The following VAX1 variants were observed in gnomAD, a reference collection of about 807,000 sequenced individuals.
VAX1 encodes the protein ventral anterior homeobox 1.
A neutral mutation model predicts 17.6 loss-of-function variants in VAX1; 6 were observed. That is an observed-to-expected ratio of 0.34 (90% CI 0.19 to 0.67). The LOEUF is 0.67. VAX1 is among the 30% of genes least tolerant of loss of function. VAX1 has a pLI of 0.69. For missense variants in VAX1, 408 were observed against 463.7 expected, an observed-to-expected ratio of 0.88 and a Z score of 1.10; for synonymous variants, 256 against 227.4, an observed-to-expected ratio of 1.13 and a Z score of -1.13.
chr10:117,133,187 A>G (rs1364390039), downstream of VAX1: 1 of 754,632 alleles, frequency 1.3e-6, no homozygotes, highest in Non-Finnish European at 1.6e-6. Flanking sequence ...AACACCCAGA[A>G]CCTTAATTTT....
downstream of VAX1, chr10:117,132,548 T>C: frequency 6.5e-7 from 1 of 1,544,360 alleles, no homozygotes; most frequent in Non-Finnish European, 8.8e-7. This position sits in a 1 kb window ranked among gnomAD's most constrained non-coding sequence, Gnocchi z 4.9. Flanking sequence ...AAAATTACTA[T>C]TTTAAAAAAG....
In VAX1 at chr10:117,137,596, AGCGGGGCCCCT is replaced by A. The variant is rs1380265730; in HGVS notation, c.241+209_241+219del. ...CCTCATCTCCCCCCGCAGCCCGGTC[AGCGGGGCCCCT>A]CCGGGCGTGGAGGGCCGAGGCCCCT... On this transcript the variant is annotated intron_variant, in intron 1 of 2. Coordinates refer to ENST00000369206, the MANE Select transcript of VAX1 (RefSeq NM_001112704.2). The surrounding 1 kb of genome is among the most constrained non-coding windows in gnomAD (Gnocchi z 7.4). Among the ~76,000 whole-genome samples, 3 of 152,142 alleles carry A rather than the reference AGCGGGGCCCCT, an allele frequency of 2.0e-5. No homozygotes were observed. The highest frequency in any genetic ancestry group is 1.5e-5 in the Non-Finnish European group (1 of 68,004).
In VAX1 at chr10:117,133,632, G is replaced by A. The variant is rs1157062669; in HGVS notation, c.*376C>T. 2.0e-6 allele frequency: 2 copies of A among 997,056 alleles called. No individual in the cohort carries two copies. The highest frequency in any genetic ancestry group is 2.4e-6 in the Non-Finnish European group (2 of 838,128). 61.8% of individuals were successfully genotyped at this position (997,056 alleles called of 1,614,324 possible). ...TTCCTAGGAATAGTCGGCAGCGGCAGCAGCCGCAGCAGCCGCGGATCTAGA... is the reference window on the plus strand; with the variant it reads ...TTCCTAGGAATAGTCGGCAGCGGCAACAGCCGCAGCAGCCGCGGATCTAGA... On this transcript the variant is annotated 3_prime_UTR_variant, in exon 3 of 3. Transcript: ENST00000369206.
downstream of VAX1, chr10:117,131,377 T>A (rs1172603524): frequency 6.6e-6 from 1 of 152,260 alleles, no homozygotes; most frequent in African/African-American, 2.4e-5. Flanking sequence ...AGCTGAGGGA[T>A]CTGCAGCAAC....
downstream of VAX1, chr10:117,133,257 T>G (rs1023742354): frequency 1.0e-6 from 1 of 984,036 alleles, no homozygotes; most frequent in African/African-American, 1.7e-5. Flanking sequence ...AATTTCATCA[T>G]TGGAAGTATT....
Position 117,133,507 on chromosome 10 carries a change from G to C in VAX1, c.*501C>G. On this transcript the variant is annotated 3_prime_UTR_variant, in exon 3 of 3. Transcript: ENST00000369206. ...AAGCGGGGCCCAGGGGCTCCCACAA[G>C]CCCTGGTTTCCCTGGCAAGAGGAAG... 1.0e-6 allele frequency: 1 copy of C among 985,630 alleles called. No homozygotes were observed. The highest frequency in any genetic ancestry group is 4.7e-5 in the South Asian group (1 of 21,288). The allele number at this position is 985,630 out of a possible 1,614,324, so 61.1% of individuals were successfully genotyped here.
downstream of VAX1, chr10:117,132,521 C>T (rs748782831): frequency 6.4e-7 from 1 of 1,572,326 alleles, no homozygotes. This position sits in a 1 kb window ranked among gnomAD's most constrained non-coding sequence, Gnocchi z 4.9. Flanking sequence ...GAGTTTCCGA[C>T]GTAAATAATT....
Position 117,133,504 on chromosome 10 carries a change from C to CA in VAX1, c.*503dup. The CA allele has an allele frequency of 3.0e-6, 3 of 985,624 alleles. No homozygotes were observed. The highest frequency in any genetic ancestry group is 3.6e-6 in the Non-Finnish European group (3 of 830,086). 61.1% of individuals were successfully genotyped at this position (985,624 alleles called of 1,614,324 possible). On this transcript the variant is annotated 3_prime_UTR_variant, in exon 3 of 3. Coordinates refer to ENST00000369206, the MANE Select transcript of VAX1 (RefSeq NM_001112704.2). The stretch of plus-strand genomic sequence containing the variant: ...GCAAAGCGGGGCCCAGGGGCTCCCA[C>CA]AAGCCCTGGTTTCCCTGGCAAGAGG...
At position 117,137,217 on chromosome 10, in the gene VAX1, C is replaced by T. The variant is rs1285095418; in HGVS notation, c.242-558G>A. Among the ~76,000 whole-genome samples, 2 of 152,102 alleles carry T rather than the reference C, an allele frequency of 1.3e-5. No homozygotes were observed. The highest frequency in any genetic ancestry group is 4.8e-5 in the African/African-American group (2 of 41,446). On this transcript the variant is annotated intron_variant, in intron 1 of 2. Coordinates refer to ENST00000369206, the MANE Select transcript of VAX1 (RefSeq NM_001112704.2). This position sits in a 1 kb window ranked among gnomAD's most constrained non-coding sequence, Gnocchi z 7.4. ...GGCCTCGCAGCCTCCGCCGCCGGGG[C>T]TAAGTGCACGCCGCGCCATCCGAGA...
chr10:117,134,664 G>GC lies in VAX1; in HGVS notation c.430-82_430-81insG. On this transcript the variant is annotated intron_variant, in intron 2 of 2. Coordinates refer to ENST00000369206, the MANE Select transcript of VAX1 (RefSeq NM_001112704.2). The surrounding 1 kb of genome is among the most constrained non-coding windows in gnomAD (Gnocchi z 6.2). ...AAGGAAGCGAGCTCCCGGGGCGCGC[G>GC]GCTCCGGGGCTCTCCCCAAGTCCCA... 7.5e-7 allele frequency: 1 copy of GC among 1,337,988 alleles called. No individual in the cohort carries two copies. 82.9% of individuals were successfully genotyped at this position (1,337,988 alleles called of 1,614,324 possible). A position where few individuals can be genotyped will look rare whatever the true frequency, so the allele number is the denominator to read the frequency against.
Position 117,133,694 on chromosome 10 carries a change from T to C in VAX1, c.*314A>G. ...GTGCTTTGGAGTTAGAACCAGTCTT[T>C]TCCCTCCTGGGCTGGGCACGGGGTC... On this transcript the variant is annotated 3_prime_UTR_variant, in exon 3 of 3. Coordinates refer to ENST00000369206, the MANE Select transcript of VAX1 (RefSeq NM_001112704.2). 1 of 1,089,510 alleles carries C rather than the reference T, an allele frequency of 9.2e-7. No homozygotes were observed. Among genetic ancestry groups the C allele is most frequent in the Non-Finnish European group, 1.1e-6 (1 of 898,490 alleles). The allele number at this position is 1,089,510 out of a possible 1,614,324, so 67.5% of individuals were successfully genotyped here.
chr10:117,135,298 ACTCTTAGTTTAT>A (rs987730667), intron 2 of VAX1, among the ~76,000 whole-genome samples: 1 of 152,190 alleles, frequency 6.6e-6, no homozygotes, highest in Non-Finnish European at 1.5e-5. Context: ...GTCTGGTGAT[ACTCTTAGTTTAT>A]CTCTCCACTG....
chr10:117,136,489 T>G lies in VAX1; in HGVS notation c.412A>C (p.Asn138His). The G allele has an allele frequency of 6.2e-7, 1 of 1,613,564 alleles. No homozygotes were observed. Among genetic ancestry groups the G allele is most frequent in the South Asian group, 1.1e-5 (1 of 91,054 alleles). ...RERTELARQL[N>H]LSETQVKVWF... The stretch of plus-strand genomic sequence containing the variant: ...CCGGGTACCTGGGTCTCGGAGAGGT[T>G]AAGCTGCCGGGCGAGCTCGGTCCTC... Residue 138 changes from asparagine (N) to histidine (H), a missense_variant, in exon 2 of 3, where the codon AAC (asparagine) becomes CAC (histidine). Around this residue, in one of 4 missense-constraint regions of VAX1, gnomAD observed 75 missense variants for 116.1 expected, o/e 0.65. Coordinates refer to ENST00000369206, the MANE Select transcript of VAX1 (RefSeq NM_001112704.2). The surrounding 1 kb of genome is among the most constrained non-coding windows in gnomAD (Gnocchi z 5.0).
Position 117,133,880 on chromosome 10 carries a change from G to A in VAX1, c.*128C>T, listed in dbSNP as rs1013514102. ...ATTGGTAGCAGAGTCTAGTGGGAAA[G>A]GAGAGCTGTCAGAGGCCTGGTGGGA... On this transcript the variant is annotated 3_prime_UTR_variant, in exon 3 of 3. Coordinates refer to ENST00000369206, the MANE Select transcript of VAX1 (RefSeq NM_001112704.2). 1 of 1,388,254 alleles carries A rather than the reference G, an allele frequency of 7.2e-7. No homozygotes were observed. The highest frequency in any genetic ancestry group is 3.9e-5 in the Admixed American group (1 of 25,376). 86.0% of individuals were successfully genotyped at this position (1,388,254 alleles called of 1,614,324 possible).
rs369158710 is a variant in VAX1 at position 117,138,096 on chromosome 10, C to A, written c.-40G>T. On this transcript the variant is annotated 5_prime_UTR_variant, in exon 1 of 3. Transcript: ENST00000369206. ...ACAAAAACAGAAAGGAAAAAAAAAG[C>A]AAAAAAAAAAAAAAGGGGGGGGGGC... The A allele has an allele frequency of 2.4e-4, 86 of 352,554 alleles. No individual in the cohort carries two copies. Among genetic ancestry groups the A allele is most frequent in the South Asian group, 7.5e-4 (21 of 27,928 alleles). 21.8% of individuals were successfully genotyped at this position (352,554 alleles called of 1,614,324 possible).
At chr10:117,133,236 T>C (rs905718226), downstream of VAX1, 3 of 978,464 alleles carry the variant, frequency 3.1e-6, no homozygotes, top group Non-Finnish European at 3.6e-6. Flanking sequence ...TGAATTTTCT[T>C]ACACCTTCCA....
In VAX1 at chr10:117,136,460, G is replaced by C. The variant is rs374897723; in HGVS notation, c.429+12C>G. 3 of 1,612,122 alleles carry C rather than the reference G, an allele frequency of 1.9e-6. No individual in the cohort carries two copies. In the African/African-American group the frequency reaches 4.0e-5, roughly 22 times the overall value. On this transcript the variant is annotated intron_variant, in intron 2 of 2. Transcript: ENST00000369206. This position sits in a 1 kb window ranked among gnomAD's most constrained non-coding sequence, Gnocchi z 5.0. ...CTGGTGCAGAACTGTGTGCGGCCTG[G>C]TCGCCGGGTACCTGGGTCTCGGAGA...
downstream of VAX1, chr10:117,130,111 G>A (rs1452280327): frequency 1.3e-5 from 2 of 152,160 alleles, no homozygotes; most frequent in African/African-American, 2.4e-5. Flanking sequence ...GAGGCCTCTG[G>A]CCCTAGGGGG....
rs1209428574 is a variant in VAX1, at chr10:117,133,324, A to G, written c.*684T>C. On this transcript the variant is annotated 3_prime_UTR_variant, in exon 3 of 3. Coordinates refer to ENST00000369206, the MANE Select transcript of VAX1 (RefSeq NM_001112704.2). ...GTAGCAATTGCTTTTATTGCTGATT[A>G]GATCAAATTTATCAGTGTCGTTGCC... 10 of 985,340 alleles carry G rather than the reference A, an allele frequency of 1.0e-5. No homozygotes were observed. Among genetic ancestry groups the G allele is most frequent in the African/African-American group, 1.7e-5 (1 of 57,252 alleles). The allele number at this position is 985,340 out of a possible 1,614,324, so 61.0% of individuals were successfully genotyped here.
Sources: gnomAD v4.1 joint callset for allele counts (sites outside exome capture counted in the v4.1 genomes callset) on GRCh38, gnomAD v4.1.1 for gene constraint, gnomAD v4.1.1 regional missense constraint, Gnocchi (gnomAD v3.1) non-coding constraint, MANE v1.5 for transcripts, NCBI Gene and HGNC (gene_info 2026-07-23, HGNC 2026-07-21) for gene names.